Variants in ZNF768 observed in about 807,000 individuals in gnomAD.
The protein encoded by ZNF768 is zinc finger protein 768.
In ZNF768, 12 loss-of-function variants were observed where a neutral mutation model predicts 39.7. The ratio of observed to expected loss-of-function variants is 0.30; its 90% CI spans 0.19 to 0.49. The LOEUF is 0.49. ZNF768 is among the 20% of genes least tolerant of loss of function. ZNF768 has a pLI of 0.99. For synonymous variants in ZNF768, 360 were observed against 288.4 expected (o/e 1.25, Z -2.52); for missense variants, 613 against 723.2 (o/e 0.85, Z 1.75).
Position 30,524,484 on chromosome 16 carries a change from G to A in ZNF768, c.*33C>T, listed in dbSNP as rs371258880. The A allele has an allele frequency of 4.4e-6, 7 of 1,580,604 alleles. No individual in the cohort carries two copies. In the African/African-American group the frequency reaches 9.4e-5, roughly 21 times the overall value. ...CTAGCTCCCTGGCCCCTTATCTTCT[G>A]CCCACACCTCCCACCCCTGCTGGGG... On this transcript the variant is annotated 3_prime_UTR_variant, in exon 2 of 2. Coordinates refer to ENST00000380412, the MANE Select transcript of ZNF768 (RefSeq NM_024671.4).
Position 30,525,105 on chromosome 16 carries a change from G to A in ZNF768, c.1035C>T (p.Tyr345=). 1 of 1,614,162 alleles carries A rather than the reference G, an allele frequency of 6.2e-7. No homozygotes were observed. The highest frequency in any genetic ancestry group is 1.1e-5 in the South Asian group (1 of 91,088). Residue 345 remains tyrosine, a synonymous_variant, in exon 2 of 2, where the codon TAC becomes TAT. Transcript: ENST00000380412. ...AGGCCTTGCCACAATGTGGGCACTT[G>A]TAGGGCTTCTGGCCAGAGTGAGTGC... is the stretch of plus-strand genomic sequence containing the variant. ...HQRTHSGQKP[Y]KCPHCGKAFG...
upstream of ZNF768, chr16:30,526,974 G>A (rs1415686136): frequency 5.1e-6 from 5 of 985,418 alleles, no homozygotes; most frequent in Admixed American, 6.1e-5. Context: ...GGGGCTACCG[G>A]GGCAGTGTGT....
At chr16:30,526,201 C>G in intron 1 of ZNF768, 125 bp downstream of exon 1, 2 of 1,535,708 alleles carry the variant, frequency 1.3e-6, no homozygotes, top group Middle Eastern at 1.9e-4. Context: ...CAAGACACCC[C>G]AGTCCCCGCC....
At chr16:30,530,214 T>C (rs888802778), upstream of ZNF768, among the ~76,000 whole-genome samples, 7 of 151,836 alleles carry the variant, frequency 4.6e-5, no homozygotes, top group African/African-American at 1.5e-4. The surrounding 1 kb of genome is among the most constrained non-coding windows in gnomAD (Gnocchi z 4.4). Context: ...GAGCTGAGAA[T>C]GGGGTGGGGC....
chr16:30,529,732 C>T (rs144024961), upstream of ZNF768, among the ~76,000 whole-genome samples: 525 of 152,020 alleles, frequency 3.5e-3, 3 homozygotes, highest in African/African-American at 0.012. Context: ...TGTTCCCAGC[C>T]GTGGTTCTCT....
In ZNF768 at chr16:30,524,856, G is replaced by A; in HGVS notation, c.1284C>T (p.Pro428=). ...PHARSHAREK[P]FKCPECGKRF... is the part of the protein sequence containing the mutation. ...GCTTGCCGCACTCAGGGCACTTGAA[G>A]GGCTTCTCCCGGGCGTGGCTGCGGG... The change falls in exon 2 of 2, where the codon CCC becomes CCT. Residue 428 remains proline, a synonymous_variant. Transcript: ENST00000380412. The A allele has an allele frequency of 1.2e-6, 2 of 1,611,040 alleles. No homozygotes were observed. Among genetic ancestry groups the A allele is most frequent in the Non-Finnish European group, 1.7e-6 (2 of 1,179,760 alleles).
upstream of ZNF768, chr16:30,526,894 G>GTTGGCA (rs1348387056): frequency 2.4e-5 from 24 of 984,304 alleles, no homozygotes; most frequent in Non-Finnish European, 2.5e-5. Context: ...GTGGAAACTC[G>GTTGGCA]TTGGCATTAA....
At position 30,524,625 on chromosome 16, in the gene ZNF768, C is replaced by G. The variant is rs1457398955; in HGVS notation, c.1515G>C (p.Arg505=). 9 of 1,612,660 alleles carry G rather than the reference C, an allele frequency of 5.6e-6. No individual in the cohort carries two copies. Among genetic ancestry groups the G allele is most frequent in the Non-Finnish European group, 7.6e-6 (9 of 1,179,826 alleles). The change falls in exon 2 of 2, where the codon CGG becomes CGC. Residue 505 remains arginine, a synonymous_variant. Coordinates refer to ENST00000380412, the MANE Select transcript of ZNF768 (RefSeq NM_024671.4). Reference sequence around the variant, plus strand: ...TGTAAGGCCGCTCGCCACTGTGGACCCGGTGATGCTGCAGAAGCGTGGAGG... The same window carrying G: ...TGTAAGGCCGCTCGCCACTGTGGACGCGGTGATGCTGCAGAAGCGTGGAGG... ...CRSSTLLQHH[R]VHSGERPYKC... is the part of the protein sequence containing the mutation.
rs755956577 is a variant in ZNF768, at chr16:30,525,656, C to T, written c.484G>A (p.Glu162Lys). The change falls in exon 2 of 2, where the codon GAA (glutamate) becomes AAA (lysine). Residue 162 changes from glutamate (E) to lysine (K), a missense_variant. Physicochemically the swap from Glu to Lys is moderately conservative, Grantham distance 56 (BLOSUM62 1). Transcript: ENST00000380412. ...QNTELKTQSP[E>K]FEAQSSKFQE... The stretch of plus-strand genomic sequence containing the variant: ...AATTTGGAACTTTGAGCTTCAAATT[C>T]TGGGCTTTGGGTTTTGAGCTCAGTG... The T allele has an allele frequency of 3.7e-6, 6 of 1,614,106 alleles. No homozygotes were observed. The highest frequency in any genetic ancestry group is 5.1e-6 in the Non-Finnish European group (6 of 1,180,036).
chr16:30,527,405 C>A (rs1397111911), upstream of ZNF768: 2 of 852,612 alleles, frequency 2.3e-6, no homozygotes, highest in Non-Finnish European at 2.8e-6. Flanking sequence ...ACAGCTTCTC[C>A]GCCCCAGGAA....
chr16:30,526,880 G>A, upstream of ZNF768: 2 of 984,610 alleles, frequency 2.0e-6, no homozygotes, highest in Non-Finnish European at 2.4e-6. Flanking sequence ...AGGAGCCGCT[G>A]GAGGTGGAAA....
At position 30,525,571 on chromosome 16, in the gene ZNF768, A is replaced by G; in HGVS notation, c.569T>C (p.Val190Ala). The change falls in exon 2 of 2, where the codon GTA becomes GCA. Residue 190 changes from valine (V) to alanine (A), a missense_variant. Val to Ala is a moderately conservative substitution (Grantham distance 64). Around this residue, in one of 4 missense-constraint regions of ZNF768, gnomAD observed 347 missense variants for 326.1 expected, o/e 1.06. Coordinates refer to ENST00000380412, the MANE Select transcript of ZNF768 (RefSeq NM_024671.4). ...GAAGGAGTCCAGGGGGTGAACTCCTACGGAGATATTCAAAGGACTCTTTTC... is the reference window on the plus strand; with the variant it reads ...GAAGGAGTCCAGGGGGTGAACTCCTGCGGAGATATTCAAAGGACTCTTTTC... ...PEEKSPLNIS[V>A]GVHPLDSFTQ... 1 of 1,614,226 alleles carries G rather than the reference A, an allele frequency of 6.2e-7. No homozygotes were observed. The highest frequency in any genetic ancestry group is 1.3e-5 in the African/African-American group (1 of 75,056).
chr16:30,529,270 C>A (rs540354607), upstream of ZNF768, among the ~76,000 whole-genome samples: 109 of 152,378 alleles, frequency 7.2e-4, 1 homozygote, highest in African/African-American at 2.4e-3. Context: ...GGGGAGTCCA[C>A]TGGCATTGTC....
At chr16:30,529,063 G>C (rs1023273361), upstream of ZNF768, among the ~76,000 whole-genome samples, 29 of 152,198 alleles carry the variant, frequency 1.9e-4, 1 homozygote, top group Non-Finnish European at 1.5e-5. Context: ...AGCCTCACTG[G>C]CACCTGGAGT....
chr16:30,525,600 G>A lies in ZNF768; in HGVS notation c.540C>T (p.Pro180=). 5.6e-6 allele frequency: 9 copies of A among 1,614,218 alleles called. No individual in the cohort carries two copies. Among genetic ancestry groups the A allele is most frequent in the Non-Finnish European group, 7.6e-6 (9 of 1,180,036 alleles). ...FQEGAEMLLN[P]EEKSPLNISV... is the part of the protein sequence containing the mutation. ...AGATATTCAAAGGACTCTTTTCCTC[G>A]GGGTTCAGAAGCATCTCCGCACCTT... is the stretch of plus-strand genomic sequence containing the variant. Residue 180 remains proline, a synonymous_variant, in exon 2 of 2, where the codon CCC becomes CCT. Transcript: ENST00000380412.
upstream of ZNF768, chr16:30,527,355 T>G: frequency 1.0e-6 from 1 of 972,632 alleles, no homozygotes; most frequent in Non-Finnish European, 1.2e-6. Context: ...AGGGCTAGGA[T>G]AGTTGCCAAG....
chr16:30,525,432 C>T lies in ZNF768; in HGVS notation c.708G>A (p.Leu236=). 1 of 1,614,132 alleles carries T rather than the reference C, an allele frequency of 6.2e-7. No homozygotes were observed. Among genetic ancestry groups the T allele is most frequent in the Non-Finnish European group, 8.5e-7 (1 of 1,180,036 alleles). The stretch of plus-strand genomic sequence containing the variant: ...GACCTCGAAGGGCTCCTGTGAGACC[C>T]AGGGGATTCTGAAGCATCTCAAACT... ...TPQFEMLQNP[L]GLTGALRGPG... Residue 236 remains leucine, a synonymous_variant, in exon 2 of 2, where the codon CTG becomes CTA. Coordinates refer to ENST00000380412, the MANE Select transcript of ZNF768 (RefSeq NM_024671.4).
chr16:30,532,139 A>T, the ZNF768 span: 1 of 295,284 alleles, frequency 3.4e-6, no homozygotes, highest in Non-Finnish European at 6.4e-6. Context: ...CAAGAGCAAA[A>T]CTCCGTCTCA....
Position 30,524,793 on chromosome 16 carries a change from G to A in ZNF768, c.1347C>T (p.Arg449=). Residue 449 remains arginine (R), a synonymous_variant, in exon 2 of 2, where the codon CGC becomes CGT. Coordinates refer to ENST00000380412, the MANE Select transcript of ZNF768 (RefSeq NM_024671.4). Reference sequence around the variant, plus strand: ...TGTAGGTGCGGCCTGGCAGGTGGGTGCGGGCGTGGATGGCCAGCACCGAGC... The same window carrying A: ...TGTAGGTGCGGCCTGGCAGGTGGGTACGGGCGTGGATGGCCAGCACCGAGC... ...GQSSVLAIHA[R]THLPGRTYSC... 6.2e-7 allele frequency: 1 copy of A among 1,611,266 alleles called. No homozygotes were observed. Among genetic ancestry groups the A allele is most frequent in the Non-Finnish European group, 8.5e-7 (1 of 1,179,574 alleles).
Sources: allele counts gnomAD v4.1 joint callset (sites outside exome capture counted in the v4.1 genomes callset), GRCh38; gene constraint gnomAD v4.1.1; regional missense constraint gnomAD v4.1.1; non-coding constraint Gnocchi (gnomAD v3.1); transcripts MANE v1.5; gene names NCBI Gene and HGNC (gene_info 2026-07-23, HGNC 2026-07-21).